PSD3: variants seen among roughly 807,000 people sequenced by gnomAD.
PSD3 encodes the protein PH and SEC7 domain-containing protein 3.
PSD3 carries 49 observed loss-of-function variants against 105.5 expected under a neutral mutation model. The ratio of observed to expected loss-of-function variants is 0.46; its 90% CI spans 0.37 to 0.59. The LOEUF (loss-of-function observed/expected upper bound fraction) is 0.59. Ranked by LOEUF, PSD3 falls within the 20% of genes least tolerant of loss-of-function variation. PSD3 has a pLI of 0.00. For synonymous variants in PSD3, 557 were observed against 457.8 expected (o/e 1.22, Z -2.77); for missense variants, 1,561 against 1,263.8 (o/e 1.24, Z -3.57).
intron 15 of PSD3, among the ~76,000 whole-genome samples, chr8:18,554,378 G>C (rs944477376): frequency 2.0e-5 from 3 of 152,070 alleles, no homozygotes; most frequent in Non-Finnish European, 4.4e-5. Context: ...TTTTGTTGTT[G>C]GTTTATTTTT....
chr8:18,577,152 T>G (rs1193967513), intron 12 of PSD3, among the ~76,000 whole-genome samples: 1 of 151,982 alleles, frequency 6.6e-6, no homozygotes, highest in Admixed American at 6.6e-5. Context: ...GTTTTAATTT[T>G]TTATCTCTTC....
At position 18,940,695 on chromosome 8, in the gene PSD3, G is replaced by C. The variant is rs542426749; in HGVS notation, c.22-4553C>G. 1.8e-4 allele frequency among the ~76,000 whole-genome samples: 28 copies of C among 152,178 alleles called. 3 individuals are homozygous for C. In the South Asian group the frequency reaches 5.4e-3, roughly 29 times the overall value. The stretch of plus-strand genomic sequence containing the variant: ...ATTTCCAATTTATCTACTGTTTCTT[G>C]AGTAATGGCACATACTTACAGTAAA... On this transcript the variant is annotated intron_variant, in intron 1 of 15. Coordinates refer to ENST00000327040, the MANE Select transcript of PSD3 (RefSeq NM_015310.4).
chr8:18,582,508 C>G (rs1021060066), intron 12 of PSD3, among the ~76,000 whole-genome samples: 2 of 152,120 alleles, frequency 1.3e-5, no homozygotes, highest in Non-Finnish European at 2.9e-5. Context: ...TGTCCTCCAT[C>G]TTCTCCTCAC....
At chr8:18,840,904 C>T (rs1247540648) in intron 4 of PSD3, among the ~76,000 whole-genome samples, 1 of 152,170 alleles carries the variant, frequency 6.6e-6, no homozygotes, top group South Asian at 2.1e-4. Flanking sequence ...TGTCTTACTT[C>T]CTCGAGATCA....
chr8:18,993,293 G>T (rs548755418), intron 1 of PSD3, among the ~76,000 whole-genome samples: 1 of 152,158 alleles, frequency 6.6e-6, no homozygotes, highest in Non-Finnish European at 1.5e-5. Context: ...ACAGTTCTAT[G>T]ACCTCTCCTG....
intron 12 of PSD3, among the ~76,000 whole-genome samples, chr8:18,589,280 A>G (rs1287446217): frequency 6.6e-6 from 1 of 152,190 alleles, no homozygotes; most frequent in Non-Finnish European, 1.5e-5. Context: ...GAGCATGGAT[A>G]ATCTCCAAGT....
chr8:18,991,357 CACACACACACACACAT>C (rs750927900), intron 1 of PSD3, among the ~76,000 whole-genome samples: 1,817 of 65,838 alleles, frequency 0.028, 21 homozygotes, highest in Middle Eastern at 0.056. Context: ...CACACATACA[CACACACACACACACAT>C]ACACACACAC....
At chr8:18,593,419 A>G (rs994998933) in intron 12 of PSD3, among the ~76,000 whole-genome samples, 3 of 152,228 alleles carry the variant, frequency 2.0e-5, no homozygotes, top group African/African-American at 4.8e-5. Flanking sequence ...CAAAACCACA[A>G]TGAGATATCA....
chr8:18,774,936 C>T, intron 8 of PSD3: 2 of 456,208 alleles, frequency 4.4e-6, no homozygotes, highest in South Asian at 3.1e-5. Context: ...AAAGCCACCA[C>T]CGCTGCCAAA....
intron 1 of PSD3, among the ~76,000 whole-genome samples, chr8:18,967,092 T>C (rs1021662896): frequency 6.6e-6 from 1 of 152,210 alleles, no homozygotes; most frequent in African/African-American, 2.4e-5. Flanking sequence ...TACTTGGCTT[T>C]CTTTTCACGT....
chr8:18,834,636 C>T (rs1813950427), intron 4 of PSD3, among the ~76,000 whole-genome samples: 2 of 152,024 alleles, frequency 1.3e-5, no homozygotes, highest in Admixed American at 6.5e-5. Context: ...TGACTGGGTA[C>T]GTGAACTGAA....
chr8:19,077,886 T>C (rs1829509707), intron 1 of PSD3, among the ~76,000 whole-genome samples: 1 of 152,222 alleles, frequency 6.6e-6, no homozygotes, highest in South Asian at 2.1e-4. Flanking sequence ...TCTGGAATAC[T>C]GGGTCAGGAG....
chr8:19,060,972 G>T (rs2129477544), intron 1 of PSD3, among the ~76,000 whole-genome samples: 1 of 152,190 alleles, frequency 6.6e-6, no homozygotes, highest in African/African-American at 2.4e-5. Flanking sequence ...TCTCTGACTG[G>T]CCCTTTGACT....
intron 9 of PSD3, among the ~76,000 whole-genome samples, chr8:18,686,561 C>T (rs58830882): frequency 6.6e-6 from 1 of 152,172 alleles, no homozygotes; most frequent in Admixed American, 6.5e-5. Flanking sequence ...AGTCTCACAG[C>T]AGATGATCCC....
chr8:18,887,231 A>G (rs1204882100), intron 2 of PSD3, among the ~76,000 whole-genome samples: 1 of 152,224 alleles, frequency 6.6e-6, no homozygotes, highest in African/African-American at 2.4e-5. Context: ...AAATGCAAAC[A>G]CATTGTTTAA....
chr8:18,546,063 C>T (rs942793214), intron 15 of PSD3, among the ~76,000 whole-genome samples: 3 of 152,136 alleles, frequency 2.0e-5, no homozygotes, highest in Admixed American at 6.5e-5. Flanking sequence ...TGCAATGGTG[C>T]GATCTTGGCT....
chr8:18,812,631 G>A (rs566057781), intron 4 of PSD3, among the ~76,000 whole-genome samples: 1 of 152,178 alleles, frequency 6.6e-6, no homozygotes, highest in African/African-American at 2.4e-5. Flanking sequence ...CAAGGGTGGG[G>A]TTACCATCGA....
At chr8:18,623,446 C>A (rs1806260538) in intron 11 of PSD3, among the ~76,000 whole-genome samples, 1 of 57,072 alleles carries the variant, frequency 1.8e-5, no homozygotes, top group Non-Finnish European at 3.1e-5. Flanking sequence ...CCCCCGTCTC[C>A]CCAAAAAAAA....
At chr8:18,540,923 C>A (rs1261791067) in intron 15 of PSD3, among the ~76,000 whole-genome samples, 1 of 152,112 alleles carries the variant, frequency 6.6e-6, no homozygotes, top group Admixed American at 6.5e-5. Context: ...CCATGGCACA[C>A]ACTCCTATTC....
Sources: allele counts gnomAD v4.1 joint callset (sites outside exome capture counted in the v4.1 genomes callset), GRCh38; gene constraint gnomAD v4.1.1; transcripts MANE v1.5; gene names NCBI Gene and HGNC (gene_info 2026-07-23, HGNC 2026-07-21).